The following HEBP1 variants were observed in gnomAD, a reference collection of about 807,000 sequenced individuals.
The protein encoded by HEBP1 is heme-binding protein 1.
Under a neutral mutation model 20.4 loss-of-function variants are expected in HEBP1, and 13 were observed. The observed-to-expected ratio is 0.64, with a 90% CI of 0.42 to 1.01. The LOEUF is 1.01. Ranked by LOEUF, HEBP1 falls within the 50% of genes least tolerant of loss-of-function variation. The pLI is 0.00. For synonymous variants in HEBP1, 92 were observed against 90.7 expected, an observed-to-expected ratio of 1.01 and a Z score of -0.08; for missense variants, 241 against 247.3, an observed-to-expected ratio of 0.97 and a Z score of 0.17.
intron 2 of HEBP1, among the ~76,000 whole-genome samples, chr12:12,987,612 TTCTCTC>T (rs71064360): frequency 2.5e-5 from 3 of 117,786 alleles, no homozygotes; most frequent in African/African-American, 9.2e-5. Flanking sequence ...CTCTCTCTCT[TTCTCTC>T]TCTCTCTCTC....
rs1417904372 is a variant in HEBP1 at position 12,998,269 on chromosome 12, G to A, written c.78+1768C>T. On this transcript the variant is annotated intron_variant, in intron 1 of 3. Transcript: ENST00000014930. The surrounding 1 kb of genome is among the most constrained non-coding windows in gnomAD (Gnocchi z 4.2). Reference sequence around the variant, plus strand: ...GCTGGTTTTAATCTTTTATCCCATTGCCTAGAAGAGTGCCTGGCACATAGC... The same window carrying A: ...GCTGGTTTTAATCTTTTATCCCATTACCTAGAAGAGTGCCTGGCACATAGC... Among the ~76,000 whole-genome samples the A allele has an allele frequency of 6.6e-5, 10 of 152,216 alleles. No individual in the cohort carries two copies. The East Asian group carries it at 1.9e-3, about 29-fold the overall frequency.
intron 3 of HEBP1, among the ~76,000 whole-genome samples, chr12:12,983,078 AT>A (rs1864106534): frequency 6.6e-6 from 1 of 152,228 alleles, no homozygotes; most frequent in Non-Finnish European, 1.5e-5. Flanking sequence ...TACCCTGAAA[AT>A]AAACTCCTGG....
chr12:12,987,495 C>T (rs1864166707), intron 2 of HEBP1, among the ~76,000 whole-genome samples, 163 bp from the exon 3 acceptor site: 1 of 152,058 alleles, frequency 6.6e-6, no homozygotes, highest in African/African-American at 2.4e-5. Context: ...TACATGAACA[C>T]CTGTTATTTG....
chr12:12,994,498 C>A (rs979346647), intron 1 of HEBP1, among the ~76,000 whole-genome samples: 8 of 152,166 alleles, frequency 5.3e-5, no homozygotes, highest in African/African-American at 1.9e-4. Flanking sequence ...ATGGCACGAG[C>A]AACCTGTGCT....
chr12:12,987,612 T>TCTCTCTTTCTCTCTC lies in HEBP1; in HGVS notation c.218-281_218-280insGAGAGAGAAAGAGAG, dbSNP rs1230851526. 6.8e-5 allele frequency among the ~76,000 whole-genome samples: 8 copies of TCTCTCTTTCTCTCTC among 117,840 alleles called. No homozygotes were observed. The East Asian group carries it at 1.1e-3, about 16-fold the overall frequency. The allele number at this position is 117,840 out of a possible 152,430, so 77.3% of individuals were successfully genotyped here. On this transcript the variant is annotated intron_variant, in intron 2 of 3. Transcript: ENST00000014930. ...TCTTTCTCTCTCTCTCTCTCTCTCT[T>TCTCTCTTTCTCTCTC]TCTCTCTCTCTCTCTCTCTCTCTTT...
At chr12:12,985,589 T>C (rs1864142036) in intron 3 of HEBP1, 1 of 152,148 alleles carries the variant, frequency 6.6e-6, no homozygotes, top group African/African-American at 2.4e-5. Flanking sequence ...GTGAACTGAT[T>C]CAATCATGTC....
In HEBP1 at chr12:12,987,317, A is replaced by G. The variant is rs1483155001; in HGVS notation, c.233T>C (p.Met78Thr). The G allele has an allele frequency of 1.9e-6, 3 of 1,613,188 alleles. No homozygotes were observed. In the East Asian group the frequency reaches 6.7e-5, roughly 36 times the overall value. The stretch of plus-strand genomic sequence containing the variant: ...CACAGCAAAGGAAATAGGGACTGTC[A>G]TCCCCATCCCAATTCCTGAAAACAC... ...GTNDKGIGMG[M>T]TVPISFAVFP... Residue 78 changes from methionine (M) to threonine (T), a missense_variant, in exon 3 of 4, where the codon ATG (methionine) becomes ACG (threonine). By Grantham distance (81) the Met-to-Thr change is moderately conservative (BLOSUM62 -1). Coordinates refer to ENST00000014930, the MANE Select transcript of HEBP1 (RefSeq NM_015987.5).
At chr12:12,993,608 T>C (rs935807346) in intron 1 of HEBP1, among the ~76,000 whole-genome samples, 3 of 152,094 alleles carry the variant, frequency 2.0e-5, no homozygotes, top group Non-Finnish European at 4.4e-5. Flanking sequence ...TGTATGCCCA[T>C]ATCAAATTCA....
At chr12:12,994,920 GTTAA>G (rs916333072) in intron 1 of HEBP1, among the ~76,000 whole-genome samples, 4 of 152,170 alleles carry the variant, frequency 2.6e-5, no homozygotes, top group Admixed American at 1.3e-4. Flanking sequence ...ATCTAACTGT[GTTAA>G]TTAATCTGCT....
rs757096805 is a variant in HEBP1 at position 12,996,985 on chromosome 12, C to A, written c.78+3052G>T. Among the ~76,000 whole-genome samples, 1 of 152,160 alleles carries A rather than the reference C, an allele frequency of 6.6e-6. No homozygotes were observed. The highest frequency in any genetic ancestry group is 2.4e-5 in the African/African-American group (1 of 41,428). On this transcript the variant is annotated intron_variant, in intron 1 of 3. Coordinates refer to ENST00000014930, the MANE Select transcript of HEBP1 (RefSeq NM_015987.5). The surrounding 1 kb of genome is among the most constrained non-coding windows in gnomAD (Gnocchi z 4.1). ...AGCTGAGATGAGCACTGATATAATG[C>A]TATTACTATATTTGTAGGGTATGTA...
In HEBP1 at chr12:12,975,217, G is replaced by T; in HGVS notation, c.*91C>A. ...GAAAGTTGGTTAAGTTGGACTTGCA[G>T]CTGGAACTTGGGAAGCACTGTCCCC... On this transcript the variant is annotated 3_prime_UTR_variant, in exon 4 of 4. Transcript: ENST00000014930. 1.6e-6 allele frequency: 2 copies of T among 1,263,478 alleles called. No homozygotes were observed. The highest frequency in any genetic ancestry group is 2.2e-6 in the Non-Finnish European group (2 of 901,034). 78.3% of individuals were successfully genotyped at this position (1,263,478 alleles called of 1,614,324 possible). A position where few individuals can be genotyped will look rare whatever the true frequency, so the allele number is the denominator to read the frequency against.
chr12:12,979,536 A>T (rs1864047482), intron 3 of HEBP1: 2 of 152,230 alleles, frequency 1.3e-5, no homozygotes, highest in Non-Finnish European at 1.5e-5. Flanking sequence ...ACTTTGCCTC[A>T]TTGGTTCGTG....
intron 3 of HEBP1, among the ~76,000 whole-genome samples, chr12:12,982,564 T>C (rs547451166): frequency 3.7e-4 from 56 of 152,310 alleles, no homozygotes; most frequent in African/African-American, 7.0e-4. Context: ...ATGGCCTCCA[T>C]TGGGGCCTGG....
intron 3 of HEBP1, chr12:12,983,795 G>A (rs2052329): frequency 4.4e-6 from 2 of 455,792 alleles, no homozygotes; most frequent in African/African-American, 2.0e-5. Context: ...GATAGTACCC[G>A]TATACCCCTT....
At position 12,996,930 on chromosome 12, in the gene HEBP1, G is replaced by A. The variant is rs950792503; in HGVS notation, c.78+3107C>T. Among the ~76,000 whole-genome samples the A allele has an allele frequency of 6.6e-6, 1 of 152,100 alleles. No homozygotes were observed. Among genetic ancestry groups the A allele is most frequent in the Non-Finnish European group, 1.5e-5 (1 of 68,006 alleles). ...CAATTAGCTTCAGAGGGGCTAAGTTGGCCTGTGACCACACAGCTAGAAAGA... is the reference window on the plus strand; with the variant it reads ...CAATTAGCTTCAGAGGGGCTAAGTTAGCCTGTGACCACACAGCTAGAAAGA... On this transcript the variant is annotated intron_variant, in intron 1 of 3. Transcript: ENST00000014930. This position sits in a 1 kb window ranked among gnomAD's most constrained non-coding sequence, Gnocchi z 4.1.
At chr12:12,990,164 GTATTT>G (rs1051996751) in intron 1 of HEBP1, among the ~76,000 whole-genome samples, 4 of 150,818 alleles carry the variant, frequency 2.7e-5, no homozygotes, top group African/African-American at 7.4e-5. Context: ...ACACACACAT[GTATTT>G]TATTTATTTA....
chr12:12,982,028 GCC>G (rs1479095397), intron 3 of HEBP1, among the ~76,000 whole-genome samples: 1 of 152,106 alleles, frequency 6.6e-6, no homozygotes, highest in Non-Finnish European at 1.5e-5. Flanking sequence ...TCATTATGTT[GCC>G]CAGGCTGGTC....
At chr12:12,990,640 T>C (rs1199570545) in intron 1 of HEBP1, among the ~76,000 whole-genome samples, 3 of 152,078 alleles carry the variant, frequency 2.0e-5, no homozygotes, top group Non-Finnish European at 4.4e-5. Context: ...TGAAAGAAAA[T>C]TGGTAACAGC....
chr12:12,989,741 T>C (rs1195360128), intron 1 of HEBP1, among the ~76,000 whole-genome samples: 2 of 146,976 alleles, frequency 1.4e-5, no homozygotes, highest in African/African-American at 4.9e-5. Context: ...AGAAGAAAAA[T>C]TCAGTAAACA....
Sources: gnomAD v4.1 joint callset for allele counts (sites outside exome capture counted in the v4.1 genomes callset) on GRCh38, gnomAD v4.1.1 for gene constraint, Gnocchi (gnomAD v3.1) non-coding constraint, MANE v1.5 for transcripts, NCBI Gene and HGNC (gene_info 2026-07-23, HGNC 2026-07-21) for gene names.